ARHGAP20: variants seen among roughly 807,000 people sequenced by gnomAD.
ARHGAP20 encodes rho GTPase-activating protein 20.
In ARHGAP20, 34 loss-of-function variants were observed where a neutral mutation model predicts 73.7. That is an observed-to-expected ratio of 0.46 (90% confidence interval 0.35 to 0.61). ARHGAP20 has a LOEUF of 0.61. ARHGAP20 is among the 20% of genes least tolerant of loss of function. The pLI, the probability that ARHGAP20 is intolerant of heterozygous loss-of-function variation, is 0.00. For synonymous variants in ARHGAP20, 523 were observed against 518.2 expected, an observed-to-expected ratio of 1.01 and a Z score of -0.13; for missense variants, 1,314 against 1,420.9, an observed-to-expected ratio of 0.92 and a Z score of 1.21.
intron 9 of ARHGAP20, among the ~76,000 whole-genome samples, chr11:110,605,798 G>A (rs1015086521): frequency 6.6e-6 from 1 of 152,148 alleles, no homozygotes; most frequent in Non-Finnish European, 1.5e-5. Context: ...TACACCTGGG[G>A]TCCTAATTTG....
At chr11:110,587,096 A>G (rs1209693212) in intron 11 of ARHGAP20, among the ~76,000 whole-genome samples, 15 of 152,262 alleles carry the variant, frequency 9.9e-5, no homozygotes, top group Non-Finnish European at 4.4e-5. Flanking sequence ...CACAAACAGG[A>G]TATGACCAAG....
At chr11:110,652,221 T>C (rs1949371196) in intron 2 of ARHGAP20, among the ~76,000 whole-genome samples, 2 of 152,174 alleles carry the variant, frequency 1.3e-5, no homozygotes, top group African/African-American at 2.4e-5. Context: ...AAATTAGGTA[T>C]TGAAGAAACA....
chr11:110,684,214 T>C (rs1266503872), intron 2 of ARHGAP20, among the ~76,000 whole-genome samples: 6 of 152,176 alleles, frequency 3.9e-5, no homozygotes, highest in East Asian at 3.8e-4. Flanking sequence ...CTAGAGAGTA[T>C]GATGTGTTTA....
chr11:110,694,381 T>C (rs1205801013), intron 1 of ARHGAP20, among the ~76,000 whole-genome samples: 1 of 151,782 alleles, frequency 6.6e-6, no homozygotes. Flanking sequence ...TTACTTCCAA[T>C]GGATCTTTGA....
rs34417210 is a variant in ARHGAP20, at chr11:110,580,997, T to G, written c.1949A>C (p.Gln650Pro). ...CTTGGATTCAAGAGGCCGTTTCATT[T>G]GAACATCTTCATCTTTAGAATGGGC... ...DLAHSKDEDVQMKRPLESKPV... is the reference protein window; with the variant it reads ...DLAHSKDEDVPMKRPLESKPV... Residue 650 changes from glutamine to proline, a missense_variant, in exon 15 of 15, where the codon CAA (glutamine) becomes CCA (proline). Gln to Pro is a moderately conservative substitution (Grantham distance 76). Coordinates refer to ENST00000683387, the MANE Select transcript of ARHGAP20 (RefSeq NM_001384657.1). 7,775 of 1,614,212 alleles carry G rather than the reference T, an allele frequency of 4.8e-3. 199 individuals carry two copies. In the African/African-American group the frequency reaches 0.063, roughly 13 times the overall value.
chr11:110,683,028 C>G (rs1392318538), intron 2 of ARHGAP20, among the ~76,000 whole-genome samples: 3 of 152,098 alleles, frequency 2.0e-5, no homozygotes, highest in Non-Finnish European at 4.4e-5. Flanking sequence ...GTCTTGCAAA[C>G]AGCCCAAACG....
intron 2 of ARHGAP20, among the ~76,000 whole-genome samples, chr11:110,677,901 T>C (rs139677524): frequency 6.6e-6 from 1 of 152,028 alleles, no homozygotes; most frequent in Non-Finnish European, 1.5e-5. Context: ...ATGAAACATA[T>C]GTGCAAACAA....
chr11:110,613,209 T>C (rs888083729), intron 6 of ARHGAP20, among the ~76,000 whole-genome samples: 3 of 152,238 alleles, frequency 2.0e-5, no homozygotes, highest in Admixed American at 2.0e-4. Flanking sequence ...TAGAACTCTT[T>C]GGCTAGTAAA....
At chr11:110,677,475 G>A (rs1038545599) in intron 2 of ARHGAP20, among the ~76,000 whole-genome samples, 2 of 152,012 alleles carry the variant, frequency 1.3e-5, no homozygotes, top group African/African-American at 4.8e-5. Flanking sequence ...GCAAGACAGC[G>A]AAACCCAGTC....
intron 12 of ARHGAP20, among the ~76,000 whole-genome samples, chr11:110,585,030 T>TATATATGA (rs1445349561): frequency 7.1e-6 from 1 of 140,968 alleles, no homozygotes; most frequent in Non-Finnish European, 1.6e-5. Flanking sequence ...TATATGTGAA[T>TATATATGA]ATATGTGAAT....
intron 4 of ARHGAP20, among the ~76,000 whole-genome samples, chr11:110,616,958 C>T (rs1356493822): frequency 1.3e-5 from 2 of 151,994 alleles, no homozygotes; most frequent in Non-Finnish European, 2.9e-5. Flanking sequence ...GAAAACTGCA[C>T]AAAGCTTACA....
intron 1 of ARHGAP20, 189 bp downstream of exon 1, chr11:110,711,938 A>C: frequency 8.0e-7 from 1 of 1,253,516 alleles, no homozygotes; most frequent in Non-Finnish European, 1.0e-6. Flanking sequence ...GCTCTGCGGG[A>C]GGCGGCGGCG....
intron 2 of ARHGAP20, among the ~76,000 whole-genome samples, chr11:110,679,850 A>G (rs748306194): frequency 6.6e-6 from 1 of 152,190 alleles, no homozygotes; most frequent in Non-Finnish European, 1.5e-5. Flanking sequence ...AATCCAGATG[A>G]CATGGTGTAC....
intron 2 of ARHGAP20, among the ~76,000 whole-genome samples, chr11:110,662,540 G>C (rs949764949): frequency 1.3e-5 from 2 of 151,764 alleles, no homozygotes; most frequent in African/African-American, 2.4e-5. Context: ...TGTTGATACT[G>C]TTTTTCTGAA....
intron 6 of ARHGAP20, 88 bp from the exon 7 acceptor site, chr11:110,611,474 G>A: frequency 4.8e-6 from 3 of 624,458 alleles, no homozygotes; most frequent in Non-Finnish European, 5.1e-6. Flanking sequence ...ATTATCGAAA[G>A]GCAAATATTG....
intron 2 of ARHGAP20, among the ~76,000 whole-genome samples, chr11:110,664,462 C>G (rs988346423): frequency 6.6e-6 from 1 of 152,180 alleles, no homozygotes; most frequent in Non-Finnish European, 1.5e-5. Flanking sequence ...GGCGCAATGG[C>G]TCACGCCTCT....
chr11:110,596,616 G>A (rs1355130048), intron 9 of ARHGAP20, among the ~76,000 whole-genome samples: 2 of 152,166 alleles, frequency 1.3e-5, no homozygotes, highest in African/African-American at 4.8e-5. Context: ...AGTTAGAATG[G>A]TGATCATTGA....
At position 110,624,104 on chromosome 11, in the gene ARHGAP20, C is replaced by A. The variant is rs990975265; in HGVS notation, c.503+58G>T. The A allele has an allele frequency of 1.9e-6, 3 of 1,552,770 alleles. No individual in the cohort carries two copies. In the African/African-American group the frequency reaches 4.2e-5, roughly 22 times the overall value. On this transcript the variant is annotated intron_variant, in intron 4 of 14. Transcript: ENST00000683387. ...TTTGATTAATTTTTAAAATTTCAAT[C>A]CTAGAAATTATCATAGTAGCTAACC...
chr11:110,632,157 T>A lies in ARHGAP20; in HGVS notation c.189-1365A>T, dbSNP rs138047485. On this transcript the variant is annotated intron_variant, in intron 2 of 14. Transcript: ENST00000683387. Reference sequence around the variant, plus strand: ...AATGGCTATTAAACATTGGTACTAGTCTTTTTGTATCTATGTTTTCATTTC... The same window carrying A: ...AATGGCTATTAAACATTGGTACTAGACTTTTTGTATCTATGTTTTCATTTC... 8.5e-5 allele frequency among the ~76,000 whole-genome samples: 13 copies of A among 152,304 alleles called. No homozygotes were observed. The East Asian group carries it at 2.1e-3, about 25-fold the overall frequency.
Sources: gnomAD v4.1 joint callset for allele counts (sites outside exome capture counted in the v4.1 genomes callset) on GRCh38, gnomAD v4.1.1 for gene constraint, MANE v1.5 for transcripts, NCBI Gene and HGNC (gene_info 2026-07-23, HGNC 2026-07-21) for gene names.